The following PGM2L1 variants were observed in gnomAD, a reference collection of about 807,000 sequenced individuals.
PGM2L1 encodes the protein glucose 1,6-bisphosphate synthase.
A neutral mutation model predicts 73.4 loss-of-function variants in PGM2L1; 35 were observed. The ratio of observed to expected loss-of-function variants is 0.48; its 90% CI spans 0.36 to 0.63. PGM2L1 has a LOEUF of 0.63. Ranked by LOEUF, PGM2L1 falls within the 30% of genes least tolerant of loss-of-function variation. The pLI is 0.00. For missense variants in PGM2L1, 570 were observed against 742.0 expected (o/e 0.77, Z 2.69); for synonymous variants, 225 against 253.8 (o/e 0.89, Z 1.08).
intron 5 of PGM2L1, among the ~76,000 whole-genome samples, chr11:74,362,432 C>A (rs1194004247): frequency 1.3e-5 from 2 of 152,248 alleles, no homozygotes; most frequent in South Asian, 2.1e-4. Flanking sequence ...CCAGCCACTG[C>A]AAAAACATGT....
chr11:74,357,831 A>G (rs1045505083), intron 5 of PGM2L1, among the ~76,000 whole-genome samples: 1 of 152,250 alleles, frequency 6.6e-6, no homozygotes, highest in Non-Finnish European at 1.5e-5. Context: ...AGACGATGGA[A>G]TATTCTTCTT....
At chr11:74,379,578 G>A (rs1047539912) in intron 1 of PGM2L1, among the ~76,000 whole-genome samples, 4 of 152,042 alleles carry the variant, frequency 2.6e-5, no homozygotes, top group East Asian at 1.9e-4. Flanking sequence ...AACATGAATC[G>A]TATTGTTTAG....
chr11:74,357,396 A>T (rs1862475464), intron 5 of PGM2L1, among the ~76,000 whole-genome samples: 2 of 152,372 alleles, frequency 1.3e-5, no homozygotes, highest in Non-Finnish European at 2.9e-5. Flanking sequence ...CCGAAAGAAT[A>T]CACAGATGGT....
intron 9 of PGM2L1, 23 bp from the exon 10 acceptor site, chr11:74,343,439 C>G (rs1449810252): frequency 1.2e-6 from 2 of 1,601,220 alleles, no homozygotes; most frequent in South Asian, 2.3e-5. Context: ...GGAGGCCACT[C>G]TAGTTAAGTG....
At chr11:74,359,203 T>C (rs1862512573) in intron 5 of PGM2L1, among the ~76,000 whole-genome samples, 1 of 152,214 alleles carries the variant, frequency 6.6e-6, no homozygotes, top group Non-Finnish European at 1.5e-5. Context: ...CCTTTATTGA[T>C]GAACATTTCC....
intron 1 of PGM2L1, among the ~76,000 whole-genome samples, chr11:74,388,848 A>G (rs1591192821): frequency 6.6e-6 from 1 of 152,316 alleles, no homozygotes; most frequent in South Asian, 2.1e-4. Flanking sequence ...AACTCCCGAT[A>G]CTAGAGGGCA....
intron 1 of PGM2L1, among the ~76,000 whole-genome samples, chr11:74,389,921 G>A (rs1863069717): frequency 9.1e-6 from 1 of 110,016 alleles, no homozygotes; most frequent in African/African-American, 3.4e-5. Context: ...GGCTAACATG[G>A]TGAAACCCCG....
chr11:74,397,072 A>C (rs961600486), intron 1 of PGM2L1, among the ~76,000 whole-genome samples: 2 of 152,228 alleles, frequency 1.3e-5, no homozygotes, highest in Admixed American at 1.3e-4. Flanking sequence ...AAACTTTCAG[A>C]AAGTGAAGCC....
At chr11:74,340,718 G>A (rs1862169682) in intron 12 of PGM2L1, among the ~76,000 whole-genome samples, 1 of 152,164 alleles carries the variant, frequency 6.6e-6, no homozygotes, top group South Asian at 2.1e-4. Context: ...AAAGGAACAT[G>A]CCATGTACAA....
intron 1 of PGM2L1, among the ~76,000 whole-genome samples, chr11:74,386,484 T>G (rs1863020337): frequency 6.6e-6 from 1 of 151,862 alleles, no homozygotes; most frequent in Admixed American, 6.5e-5. Flanking sequence ...AAAAAACTTT[T>G]TTTTTTTTTG....
intron 8 of PGM2L1, among the ~76,000 whole-genome samples, chr11:74,346,288 A>G (rs2134889355): frequency 1.3e-5 from 2 of 149,340 alleles, no homozygotes; most frequent in African/African-American, 5.0e-5. Context: ...AAAAAAAAAA[A>G]AAAAAAAAGC....
chr11:74,371,919 T>G, intron 2 of PGM2L1, 102 bp from the exon 3 acceptor site: 1 of 993,934 alleles, frequency 1.0e-6, no homozygotes. Context: ...GACTGGCTGC[T>G]AGGGAAGTGG....
At chr11:74,370,148 G>C (rs1862729970) in intron 4 of PGM2L1, among the ~76,000 whole-genome samples, 2 of 151,938 alleles carry the variant, frequency 1.3e-5, no homozygotes, top group Admixed American at 1.3e-4. Context: ...TTTTATCATT[G>C]TTTTTTCTTT....
chr11:74,397,394 T>C (rs1863192485), intron 1 of PGM2L1, among the ~76,000 whole-genome samples: 1 of 152,108 alleles, frequency 6.6e-6, no homozygotes, highest in Admixed American at 6.6e-5. Flanking sequence ...AGAGAAGTAA[T>C]GGTTAAGGCA....
In PGM2L1 at chr11:74,331,604, AG is replaced by A. The variant is rs1453750237; in HGVS notation, c.*5047del. ...CACTACAGCCAGTGTGTGTAGCTCA[AG>A]GACTTGCCTCCACTGGGGGTGAGGG... On this transcript the variant is annotated 3_prime_UTR_variant, in exon 14 of 14. Transcript: ENST00000298198. 1.3e-5 allele frequency: 2 copies of A among 152,238 alleles called. No individual in the cohort carries two copies. The highest frequency in any genetic ancestry group is 4.8e-5 in the African/African-American group (2 of 41,424). 9.4% of individuals were successfully genotyped at this position (152,238 alleles called of 1,614,324 possible).
At position 74,369,943 on chromosome 11, in the gene PGM2L1, C is replaced by T. The variant is rs142770722; in HGVS notation, c.471+959G>A. Among the ~76,000 whole-genome samples the T allele has an allele frequency of 1.3e-3, 204 of 152,052 alleles. 1 individual carries two copies. Among genetic ancestry groups the T allele is most frequent in the African/African-American group, 4.7e-3 (193 of 41,466 alleles). ...TGTATTTTTAGTAGAGATGGGGTTT[C>T]GTTGTGTTGGTCAGGCTGGTCTCAA... On this transcript the variant is annotated intron_variant, in intron 4 of 13. Transcript: ENST00000298198.
chr11:74,385,609 A>G (rs1056139727), intron 1 of PGM2L1, among the ~76,000 whole-genome samples: 1 of 152,144 alleles, frequency 6.6e-6, no homozygotes, highest in Non-Finnish European at 1.5e-5. Flanking sequence ...AAATAAGATA[A>G]TATCTATATT....
intron 1 of PGM2L1, among the ~76,000 whole-genome samples, chr11:74,389,736 C>CA (rs893002586): frequency 4.6e-5 from 7 of 151,330 alleles, no homozygotes; most frequent in Admixed American, 2.0e-4. Context: ...AGACGTGAGC[C>CA]ACTGCGCCCG....
intron 7 of PGM2L1, 117 bp from the exon 8 acceptor site, chr11:74,346,946 A>G (rs1338502713): frequency 6.9e-6 from 7 of 1,011,450 alleles, no homozygotes; most frequent in East Asian, 2.4e-5. Flanking sequence ...GAATTCAGCT[A>G]CGTTTAAAAC....
Sources: gnomAD v4.1 joint callset for allele counts (sites outside exome capture counted in the v4.1 genomes callset) on GRCh38, gnomAD v4.1.1 for gene constraint, MANE v1.5 for transcripts, NCBI Gene and HGNC (gene_info 2026-07-23, HGNC 2026-07-21) for gene names.